LRP8: variants seen among roughly 807,000 people sequenced by gnomAD.
LRP8 encodes low-density lipoprotein receptor-related protein 8.
Under a neutral mutation model 111.6 loss-of-function variants are expected in LRP8, and 46 were observed. That is an observed-to-expected ratio of 0.41 (90% confidence interval 0.33 to 0.53). The LOEUF is 0.53. LRP8 is among the 20% of genes least tolerant of loss of function. The pLI, the probability that LRP8 is intolerant of heterozygous loss-of-function variation, is 0.20. For synonymous variants in LRP8, 464 were observed against 511.2 expected, an observed-to-expected ratio of 0.91 and a Z score of 1.24; for missense variants, 959 against 1,297.4, an observed-to-expected ratio of 0.74 and a Z score of 4.01.
chr1:53,288,717 A>G (rs868162135), intron 3 of LRP8, among the ~76,000 whole-genome samples: 10 of 151,936 alleles, frequency 6.6e-5, no homozygotes, highest in African/African-American at 2.4e-4. Flanking sequence ...CGCCAGCCCC[A>G]CTATCCTCCA....
chr1:53,310,795 T>C (rs1425926373), intron 2 of LRP8, among the ~76,000 whole-genome samples: 2 of 152,104 alleles, frequency 1.3e-5, no homozygotes, highest in African/African-American at 4.8e-5. Flanking sequence ...GGGGGATCCA[T>C]TCATTCATTC....
chr1:53,322,594 G>C (rs1182150134), intron 2 of LRP8, among the ~76,000 whole-genome samples: 2 of 152,016 alleles, frequency 1.3e-5, no homozygotes, highest in African/African-American at 4.8e-5. Context: ...GCCAAATACA[G>C]AGGAGTCTAC....
At chr1:53,310,158 G>C (rs910359795) in intron 2 of LRP8, among the ~76,000 whole-genome samples, 7 of 152,130 alleles carry the variant, frequency 4.6e-5, no homozygotes, top group African/African-American at 1.7e-4. Context: ...GAGTCTTGGT[G>C]TCAGGGATCC....
At chr1:53,321,541 C>T (rs751806653) in intron 2 of LRP8, among the ~76,000 whole-genome samples, 3 of 152,158 alleles carry the variant, frequency 2.0e-5, no homozygotes, top group Admixed American at 1.3e-4. Context: ...TCTGGGCTCT[C>T]GCTCCTCACT....
rs761809554 is a variant in LRP8, at chr1:53,262,187, A to G, written c.1795T>C (p.Tyr599His). Residue 599 changes from tyrosine (Y) to histidine (H), a missense_variant, in exon 12 of 19, where the codon TAC becomes CAC. Physicochemically the swap from Tyr to His is moderately conservative, Grantham distance 83. Transcript: ENST00000306052. This position sits in a 1 kb window ranked among gnomAD's most constrained non-coding sequence, Gnocchi z 4.8. ...ITLDLLSQRL[Y>H]WVDSKLHQLS... Reference sequence around the variant, plus strand: ...TGGTGTAGCTTGGAGTCTACCCAGTACAAGCGCTGGCTCAGCAGATCTTGG... The same window carrying G: ...TGGTGTAGCTTGGAGTCTACCCAGTGCAAGCGCTGGCTCAGCAGATCTTGG... 1.2e-6 allele frequency: 2 copies of G among 1,613,506 alleles called. No homozygotes were observed. Among genetic ancestry groups the G allele is most frequent in the East Asian group, 2.2e-5 (1 of 44,894 alleles).
chr1:53,310,205 TGGGGCA>T (rs59357665), intron 2 of LRP8, among the ~76,000 whole-genome samples: 66,145 of 150,976 alleles, frequency 0.44, 15,144 homozygotes, highest in East Asian at 0.67. Flanking sequence ...AGAGACGGGC[TGGGGCA>T]GGGGCAGGGG....
intron 2 of LRP8, among the ~76,000 whole-genome samples, chr1:53,301,257 C>T (rs1650792677): frequency 6.6e-6 from 1 of 152,128 alleles, no homozygotes; most frequent in Admixed American, 6.5e-5. Flanking sequence ...ACTCCCTGAG[C>T]CCAAGAGAAA....
chr1:53,296,121 G>A (rs963056714), intron 2 of LRP8, among the ~76,000 whole-genome samples: 1 of 152,226 alleles, frequency 6.6e-6, no homozygotes, highest in Admixed American at 6.5e-5. Context: ...AGAACAGAGA[G>A]AATTGATACC....
At position 53,326,961 on chromosome 1, in the gene LRP8, G is replaced by C. The variant is rs999972772; in HGVS notation, c.156C>G (p.Phe52Leu). 2 of 1,613,668 alleles carry C rather than the reference G, an allele frequency of 1.2e-6. No individual in the cohort carries two copies. Among genetic ancestry groups the C allele is most frequent in the Admixed American group, 1.7e-5 (1 of 60,002 alleles). ...GPAKDCEKDQ[F>L]QCRNERCIPS... ...GGATGCAGCGCTCGTTCCGGCACTG[G>C]AATTGGTCCTTTTCGCAATCCTTGG... The change falls in exon 2 of 19, where the codon TTC (phenylalanine) becomes TTG (leucine). Residue 52 changes from phenylalanine (F) to leucine (L), a missense_variant. By Grantham distance (22) the Phe-to-Leu change is conservative. This residue lies in a region of LRP8 where 97 missense variants were observed against 107.5 expected (regional missense o/e 0.90). Transcript: ENST00000306052.
intron 9 of LRP8, 125 bp from the exon 10 acceptor site, chr1:53,264,521 A>G: frequency 1.3e-6 from 1 of 762,022 alleles, no homozygotes; most frequent in Admixed American, 2.4e-5. Flanking sequence ...AGGAACGTGG[A>G]TAATTTCCAC....
At chr1:53,326,106 G>C (rs143263860) in intron 2 of LRP8, among the ~76,000 whole-genome samples, 11 of 152,344 alleles carry the variant, frequency 7.2e-5, no homozygotes, top group African/African-American at 2.4e-4. Flanking sequence ...CTCCCTCCTG[G>C]TACCCTCCTT....
At chr1:53,255,001 G>C in intron 16 of LRP8, 116 bp downstream of exon 16, 2 of 1,072,604 alleles carry the variant, frequency 1.9e-6, no homozygotes, top group Non-Finnish European at 2.8e-6. Context: ...GGGCAGGAAG[G>C]CTGCAAGGGC....
At chr1:53,261,201 C>T (rs901430049) in intron 12 of LRP8, among the ~76,000 whole-genome samples, 9 of 152,234 alleles carry the variant, frequency 5.9e-5, no homozygotes, top group Non-Finnish European at 1.0e-4. Flanking sequence ...CACACATAAG[C>T]ACCAGCACTT....
intron 3 of LRP8, among the ~76,000 whole-genome samples, chr1:53,287,130 CA>C (rs1647684761): frequency 6.6e-6 from 1 of 152,222 alleles, no homozygotes; most frequent in African/African-American, 2.4e-5. Context: ...GGCATAGCCC[CA>C]GGAACCTGGT....
intron 13 of LRP8, 37 bp downstream of exon 13, chr1:53,260,423 ACAGT>A (rs1463989681): frequency 8.7e-6 from 14 of 1,605,610 alleles, no homozygotes; most frequent in Non-Finnish European, 1.0e-5. Flanking sequence ...ACACAGTGAC[ACAGT>A]CAGGGGACCT....
Position 53,275,911 on chromosome 1 carries a change from T to C in LRP8, c.884-158A>G, listed in dbSNP as rs1210649941. ...AGGACACCTGGCCAAGGCACCTCAG[T>C]GTACAGATGGGGAGACTGAAGCTCA... On this transcript the variant is annotated intron_variant, in intron 5 of 18. Transcript: ENST00000306052. This position sits in a 1 kb window ranked among gnomAD's most constrained non-coding sequence, Gnocchi z 4.4. Among the ~76,000 whole-genome samples, 1 of 151,834 alleles carries C rather than the reference T, an allele frequency of 6.6e-6. No homozygotes were observed. The highest frequency in any genetic ancestry group is 2.4e-5 in the African/African-American group (1 of 41,294).
intron 15 of LRP8, 71 bp from the exon 16 acceptor site, chr1:53,255,256 G>A (rs1646041083): frequency 7.5e-7 from 1 of 1,325,116 alleles, no homozygotes; most frequent in Admixed American, 1.7e-5. Context: ...GCCTCAAGTG[G>A]TAAGAACTAC....
chr1:53,276,496 A>T (rs1406604505), intron 5 of LRP8, among the ~76,000 whole-genome samples, 196 bp downstream of exon 5: 1 of 152,048 alleles, frequency 6.6e-6, no homozygotes, highest in Non-Finnish European at 1.5e-5. Flanking sequence ...CTGGAGTTAG[A>T]CCTGAGCTCC....
chr1:53,255,140 A>G lies in LRP8; in HGVS notation c.2480T>C (p.Val827Ala), dbSNP rs1557750083. The G allele has an allele frequency of 6.2e-7, 1 of 1,613,776 alleles. No individual in the cohort carries two copies. The highest frequency in any genetic ancestry group is 8.5e-7 in the Non-Finnish European group (1 of 1,179,924). Reference sequence around the variant, plus strand: ...ACCTATGGGCACGATGATCCCGATAACAGCGGCAGTGACTGTTGAGCCCAT... The same window carrying G: ...ACCTATGGGCACGATGATCCCGATAGCAGCGGCAGTGACTGTTGAGCCCAT... ...SKMGSTVTAA[V>A]IGIIVPIVVI... The change falls in exon 16 of 19, where the codon GTT (valine) becomes GCT (alanine). Residue 827 changes from valine (V) to alanine (A), a missense_variant. Val to Ala is a moderately conservative substitution (Grantham distance 64, BLOSUM62 0). This residue lies in a region of LRP8 where 819 missense variants were observed against 1,097.6 expected (regional missense o/e 0.75). Transcript: ENST00000306052.
Sources: gnomAD v4.1 joint callset for allele counts (sites outside exome capture counted in the v4.1 genomes callset) on GRCh38, gnomAD v4.1.1 for gene constraint, gnomAD v4.1.1 regional missense constraint, Gnocchi (gnomAD v3.1) non-coding constraint, MANE v1.5 for transcripts, NCBI Gene and HGNC (gene_info 2026-07-23, HGNC 2026-07-21) for gene names.